The following ANKRD12 variants were observed in gnomAD, a reference collection of about 807,000 sequenced individuals.
ANKRD12 encodes ankyrin repeat domain 12.
A neutral mutation model predicts 183.4 loss-of-function variants in ANKRD12; 85 were observed. The observed-to-expected ratio is 0.46, with a 90% CI of 0.39 to 0.56. The LOEUF is 0.56. ANKRD12 is among the 20% of genes least tolerant of loss of function. The probability of loss-of-function intolerance (pLI) is 0.00; values close to 1 mark genes in which losing one functional copy is unlikely to be tolerated. For missense variants in ANKRD12, 2,405 were observed against 2,357.1 expected (o/e 1.02, Z -0.42); for synonymous variants, 914 against 800.2 (o/e 1.14, Z -2.40).
At position 9,258,188 on chromosome 18, in the gene ANKRD12, G is replaced by T. The variant is rs779879268; in HGVS notation, c.4921G>T (p.Val1641Phe). The change falls in exon 9 of 13, where the codon GTT becomes TTT. Residue 1641 changes from valine (V) to phenylalanine (F), a missense_variant. Val to Phe is a conservative substitution (Grantham distance 50). Coordinates refer to ENST00000262126, the MANE Select transcript of ANKRD12 (RefSeq NM_015208.5). ...HEKENKLESL[V>F]LTHLSRCDSD... is the part of the protein sequence containing the mutation. ...AAAAGAAAACAAACTGGAGAGTTTG[G>T]TTTTAACTCATTTGAGTAGGTGTGA... 3.4e-5 allele frequency: 55 copies of T among 1,613,726 alleles called. No homozygotes were observed. The South Asian group carries it at 4.5e-4, about 13-fold the overall frequency.
chr18:9,159,346 G>A (rs1443157450), intron 1 of ANKRD12, among the ~76,000 whole-genome samples: 1 of 152,080 alleles, frequency 6.6e-6, no homozygotes, highest in African/African-American at 2.4e-5. Context: ...CCACATTCTA[G>A]CCACCTTCTG....
intron 10 of ANKRD12, among the ~76,000 whole-genome samples, chr18:9,268,790 G>A (rs2039440424): frequency 1.3e-5 from 2 of 152,098 alleles, no homozygotes; most frequent in South Asian, 2.1e-4. Flanking sequence ...GGCAGGAGAA[G>A]GAAATAAAGG....
intron 11 of ANKRD12, 128 bp downstream of exon 11, chr18:9,275,795 TCTTTCAAGCCAGAGTA>T (rs2145452136): frequency 1.1e-6 from 1 of 908,146 alleles, no homozygotes; most frequent in African/African-American, 1.7e-5. Context: ...GAAAAAAAAC[TCTTTCAAGCCAGAGTA>T]CTTCCAGATC....
In ANKRD12 at chr18:9,255,782, A is replaced by G; in HGVS notation, c.2515A>G (p.Lys839Glu). The G allele has an allele frequency of 6.3e-7, 1 of 1,577,150 alleles. No individual in the cohort carries two copies. The highest frequency in any genetic ancestry group is 8.5e-7 in the Non-Finnish European group (1 of 1,170,582). The change falls in exon 9 of 13, where the codon AAA becomes GAA. Residue 839 changes from lysine to glutamate, a missense_variant. This residue lies in a region of ANKRD12 where 1,983 missense variants were observed against 1,725.9 expected (regional missense o/e 1.15). Transcript: ENST00000262126. ...AAAGGACATTGAGAAGATGGAAAGA[A>G]AAACCTTTGAAAAAGAAAAGAAGAT... ...KEKDIEKMER[K>E]TFEKEKKIKH... is the part of the protein sequence containing the mutation.
intron 4 of ANKRD12, 142 bp downstream of exon 4, chr18:9,204,686 AT>A: frequency 1.6e-6 from 1 of 615,562 alleles, no homozygotes; most frequent in Non-Finnish European, 2.7e-6. Context: ...GTGACACCAC[AT>A]TTTCCCATTT....
At chr18:9,140,418 C>G (rs896447274) in intron 1 of ANKRD12, among the ~76,000 whole-genome samples, 1 of 152,156 alleles carries the variant, frequency 6.6e-6, no homozygotes, top group Non-Finnish European at 1.5e-5. Flanking sequence ...TGCTTATGAA[C>G]ATTTTAAATA....
chr18:9,256,358 G>T lies in ANKRD12; in HGVS notation c.3091G>T (p.Asp1031Tyr). Residue 1031 changes from aspartate (D) to tyrosine (Y), a missense_variant, in exon 9 of 13, where the codon GAC becomes TAC. Transcript: ENST00000262126. Reference protein sequence around the residue: ...DKDIDRYKERDKHKDKIQINS... With the variant: ...DKDIDRYKERYKHKDKIQINS... ...AGATATAGATAGATACAAAGAACGA[G>T]ACAAACATAAAGATAAAATTCAAAT... 1 of 1,597,506 alleles carries T rather than the reference G, an allele frequency of 6.3e-7. No homozygotes were observed. Among genetic ancestry groups the T allele is most frequent in the Non-Finnish European group, 8.5e-7 (1 of 1,172,822 alleles).
chr18:9,241,716 C>T (rs2037672321), intron 8 of ANKRD12, among the ~76,000 whole-genome samples: 1 of 152,186 alleles, frequency 6.6e-6, no homozygotes, highest in Non-Finnish European at 1.5e-5. Flanking sequence ...CCTCTGCTTT[C>T]TAACGTATGT....
intron 10 of ANKRD12, among the ~76,000 whole-genome samples, chr18:9,266,278 A>G (rs2039288012): frequency 6.6e-6 from 1 of 152,134 alleles, no homozygotes; most frequent in African/African-American, 2.4e-5. Context: ...CCACAAAGAT[A>G]CTCCTTGAGA....
At chr18:9,163,961 A>C (rs1454604347) in intron 1 of ANKRD12, among the ~76,000 whole-genome samples, 33 of 152,162 alleles carry the variant, frequency 2.2e-4, no homozygotes, top group Admixed American at 2.1e-3. Flanking sequence ...ATATAGGATC[A>C]TGTCTTCTGC....
chr18:9,138,923 G>T (rs577816682), intron 1 of ANKRD12, among the ~76,000 whole-genome samples: 2 of 152,148 alleles, frequency 1.3e-5, no homozygotes, highest in Admixed American at 6.5e-5. Flanking sequence ...AGTTTAACTC[G>T]TTATGTGTTT....
At chr18:9,242,164 T>G (rs1567955707) in intron 8 of ANKRD12, among the ~76,000 whole-genome samples, 1 of 152,172 alleles carries the variant, frequency 6.6e-6, no homozygotes, top group Non-Finnish European at 1.5e-5. Context: ...ACAAGACTAT[T>G]AAGTATCTTT....
chr18:9,192,085 ACC>A (rs2034490762), intron 2 of ANKRD12, among the ~76,000 whole-genome samples: 1 of 151,960 alleles, frequency 6.6e-6, no homozygotes, highest in African/African-American at 2.4e-5. Flanking sequence ...CATGCTCCCC[ACC>A]CCTTGGAACT....
intron 1 of ANKRD12, chr18:9,137,621 CAAG>C (rs1318415446): frequency 1.3e-5 from 2 of 152,090 alleles, no homozygotes; most frequent in East Asian, 3.9e-4. Context: ...TGGATGAAAT[CAAG>C]AAGGGGAAAT....
At chr18:9,221,181 G>A (rs1347992905) in intron 7 of ANKRD12, among the ~76,000 whole-genome samples, 2 of 152,134 alleles carry the variant, frequency 1.3e-5, no homozygotes, top group Non-Finnish European at 2.9e-5. Context: ...AAGAGGATAT[G>A]AAGAAAAAAC....
chr18:9,177,725 C>T lies in ANKRD12; in HGVS notation c.-51-4657C>T, dbSNP rs567743922. Among the ~76,000 whole-genome samples the T allele has an allele frequency of 3.3e-5, 5 of 152,248 alleles. No individual in the cohort carries two copies. The South Asian group carries it at 8.3e-4, about 25-fold the overall frequency. On this transcript the variant is annotated intron_variant, in intron 1 of 12. Coordinates refer to ENST00000262126, the MANE Select transcript of ANKRD12 (RefSeq NM_015208.5). ...TACCCTTTAATCAACCTCCCTTCATCCCCCACCCTCCACACGTACCCTTCC... is the reference window on the plus strand; with the variant it reads ...TACCCTTTAATCAACCTCCCTTCATTCCCCACCCTCCACACGTACCCTTCC...
chr18:9,174,701 G>T (rs960421498), intron 1 of ANKRD12, among the ~76,000 whole-genome samples: 1 of 152,180 alleles, frequency 6.6e-6, no homozygotes. Context: ...ATCAGTCCCA[G>T]TGTGAGAACC....
At chr18:9,246,610 T>C (rs1026330258) in intron 8 of ANKRD12, among the ~76,000 whole-genome samples, 4 of 152,254 alleles carry the variant, frequency 2.6e-5, no homozygotes, top group Non-Finnish European at 4.4e-5. Context: ...TTCAATCTTA[T>C]AGTACAATGT....
At position 9,255,880 on chromosome 18, in the gene ANKRD12, C is replaced by T; in HGVS notation, c.2613C>T (p.Asp871=). The T allele has an allele frequency of 1.3e-6, 2 of 1,594,474 alleles. No individual in the cohort carries two copies. The highest frequency in any genetic ancestry group is 1.7e-6 in the Non-Finnish European group (2 of 1,174,782). Residue 871 remains aspartate (D), a synonymous_variant, in exon 9 of 13, where the codon GAC becomes GAT. Coordinates refer to ENST00000262126, the MANE Select transcript of ANKRD12 (RefSeq NM_015208.5). ...SECVDKIKEK[D]KLYSHHTEKC... Reference sequence around the variant, plus strand: ...GTGTTGATAAAATAAAAGAAAAGGACAAGCTATATTCGCATCACACAGAAA... The same window carrying T: ...GTGTTGATAAAATAAAAGAAAAGGATAAGCTATATTCGCATCACACAGAAA...
Sources: gnomAD v4.1 joint callset for allele counts (sites outside exome capture counted in the v4.1 genomes callset) on GRCh38, gnomAD v4.1.1 for gene constraint, gnomAD v4.1.1 regional missense constraint, MANE v1.5 for transcripts, NCBI Gene and HGNC (gene_info 2026-07-23, HGNC 2026-07-21) for gene names.